Variants in NDRG4 observed in about 807,000 individuals in gnomAD.
NDRG4 encodes protein NDRG4.
A neutral mutation model predicts 55.8 loss-of-function variants in NDRG4; 38 were observed. The observed-to-expected ratio is 0.68, with a 90% CI of 0.53 to 0.89. The LOEUF is 0.89. Ranked by LOEUF, NDRG4 falls within the 40% of genes least tolerant of loss-of-function variation. NDRG4 has a pLI of 0.00. For missense variants in NDRG4, 455 were observed against 468.6 expected (o/e 0.97, Z 0.27); for synonymous variants, 190 against 182.7 (o/e 1.04, Z -0.32).
intron 2 of NDRG4, among the ~76,000 whole-genome samples, chr16:58,491,866 G>C (rs1346024396): frequency 6.6e-6 from 1 of 152,062 alleles, no homozygotes; most frequent in Non-Finnish European, 1.5e-5. Flanking sequence ...CCTTCAGGGA[G>C]GTTAGAGAGG....
intron 1 of NDRG4, among the ~76,000 whole-genome samples, chr16:58,477,023 A>G (rs1356688188): frequency 6.6e-6 from 1 of 152,056 alleles, no homozygotes; most frequent in East Asian, 1.9e-4. Flanking sequence ...ACCACTGGAG[A>G]AAAACAATTG....
intron 13 of NDRG4, 154 bp downstream of exon 13, chr16:58,509,506 G>C: frequency 4.0e-6 from 3 of 751,794 alleles, no homozygotes; most frequent in Non-Finnish European, 6.4e-6. Context: ...GGCCCCGGAT[G>C]CTGGGCCCCA....
chr16:58,486,864 C>T (rs1384299123), intron 1 of NDRG4, among the ~76,000 whole-genome samples: 1 of 152,166 alleles, frequency 6.6e-6, no homozygotes, highest in East Asian at 1.9e-4. Context: ...TATCACCCCT[C>T]CCTGTTGGTG....
chr16:58,497,010 C>G (rs1216130839), upstream of NDRG4: 1 of 152,174 alleles, frequency 6.6e-6, no homozygotes, highest in Admixed American at 6.5e-5. Context: ...GCCTTCCATA[C>G]TTAAAAATAT....
downstream of NDRG4, among the ~76,000 whole-genome samples, chr16:58,514,397 G>A (rs1052660004): frequency 3.3e-5 from 5 of 152,122 alleles, no homozygotes; most frequent in Non-Finnish European, 7.4e-5. Flanking sequence ...TATTATCTTA[G>A]TTTCGCAGGT....
chr16:58,486,726 C>T (rs2035129168), intron 1 of NDRG4, among the ~76,000 whole-genome samples: 1 of 151,018 alleles, frequency 6.6e-6, no homozygotes, highest in Admixed American at 6.6e-5. Context: ...CACACACACA[C>T]ACACACACAC....
chr16:58,482,669 C>CTCCCTTCCTTCCTCCT, intron 1 of NDRG4, among the ~76,000 whole-genome samples: 1 of 135,494 alleles, frequency 7.4e-6, no homozygotes, highest in African/African-American at 3.5e-5. Context: ...CTTTCCATCC[C>CTCCCTTCCTTCCTCCT]TCCCTTCCTT....
At chr16:58,490,474 TCCTCATGC>T (rs1315880960) in intron 2 of NDRG4, among the ~76,000 whole-genome samples, 2 of 152,120 alleles carry the variant, frequency 1.3e-5, no homozygotes, top group African/African-American at 4.8e-5. Context: ...CACTCCTGCC[TCCTCATGC>T]CCTCTGGGCA....
chr16:58,482,925 G>A (rs998842046), intron 1 of NDRG4, among the ~76,000 whole-genome samples: 1 of 151,982 alleles, frequency 6.6e-6, no homozygotes, highest in East Asian at 1.9e-4. Context: ...TGGATTACAG[G>A]CACCCGCCAT....
At chr16:58,509,933 C>A (rs991744269) in intron 13 of NDRG4, among the ~76,000 whole-genome samples, 12 of 147,592 alleles carry the variant, frequency 8.1e-5, no homozygotes, top group African/African-American at 2.9e-4. Flanking sequence ...CAGGTACACA[C>A]ACACAGACAC....
chr16:58,487,899 C>T (rs1264747405), intron 2 of NDRG4: 1 of 1,407,400 alleles, frequency 7.1e-7, no homozygotes, highest in Non-Finnish European at 9.5e-7. Flanking sequence ...CGCGCCACCT[C>T]GTGGCCAAGA....
At chr16:58,503,594 A>G (rs986204879) in intron 1 of NDRG4, 19 of 994,110 alleles carry the variant, frequency 1.9e-5, no homozygotes, top group South Asian at 5.5e-5. Flanking sequence ...ATCAGTTCAC[A>G]TTGTCTCTGT....
Position 58,503,907 on chromosome 16 carries a change from A to C in NDRG4, c.127+4A>C, listed in dbSNP as rs2037487001. 3 of 1,613,466 alleles carry C rather than the reference A, an allele frequency of 1.9e-6. No homozygotes were observed. In the East Asian group the frequency reaches 6.7e-5, roughly 36 times the overall value. On this transcript the variant is annotated splice_donor_region_variant and intron_variant, in intron 2 of 14. Coordinates refer to ENST00000570248, the MANE Select transcript of NDRG4 (RefSeq NM_001242835.2). The stretch of plus-strand genomic sequence containing the variant: ...TACCATGATGTGGGCCTCAACCGTA[A>C]GTGCAGCCCAGCCTCAGTCAGCCCT...
downstream of NDRG4, among the ~76,000 whole-genome samples, chr16:58,515,034 G>C (rs1463697673): frequency 2.0e-5 from 3 of 152,168 alleles, no homozygotes; most frequent in African/African-American, 7.2e-5. Context: ...ATCTATTCTA[G>C]ATCCAGGAGC....
intron 1 of NDRG4, 47 bp downstream of exon 1, chr16:58,500,316 C>A (rs995574102): frequency 1.3e-6 from 2 of 1,532,206 alleles, no homozygotes; most frequent in Non-Finnish European, 1.7e-6. Context: ...GAGGATGGTG[C>A]ATCCTTATGA....
intron 1 of NDRG4, among the ~76,000 whole-genome samples, chr16:58,482,473 G>A (rs924818145): frequency 6.6e-6 from 1 of 152,094 alleles, no homozygotes; most frequent in Non-Finnish European, 1.5e-5. Flanking sequence ...GCTGTGGGGG[G>A]TAGAGTGGGG....
chr16:58,496,734 A>G (rs561349823), upstream of NDRG4, among the ~76,000 whole-genome samples: 1 of 152,068 alleles, frequency 6.6e-6, no homozygotes, highest in Non-Finnish European at 1.5e-5. Flanking sequence ...GGCCCCTCAT[A>G]TGGACACTCA....
At chr16:58,507,539 A>G in intron 8 of NDRG4, 1 of 505,500 alleles carries the variant, frequency 2.0e-6, no homozygotes, top group East Asian at 3.0e-5. Flanking sequence ...CTGCCATCCC[A>G]TATGGTCCAG....
chr16:58,477,352 T>C (rs749320001), intron 1 of NDRG4, among the ~76,000 whole-genome samples: 12 of 152,138 alleles, frequency 7.9e-5, no homozygotes, highest in Non-Finnish European at 1.3e-4. Flanking sequence ...GATTTCATGG[T>C]TGAGGCAGAG....
Sources: gnomAD v4.1 joint callset for allele counts (sites outside exome capture counted in the v4.1 genomes callset) on GRCh38, gnomAD v4.1.1 for gene constraint, MANE v1.5 for transcripts, NCBI Gene and HGNC (gene_info 2026-07-23, HGNC 2026-07-21) for gene names.